The following B3GLCT variants were observed in gnomAD, a reference collection of about 807,000 sequenced individuals.
B3GLCT encodes the protein beta-1,3-glucosyltransferase.
In B3GLCT, 65 loss-of-function variants were observed where a neutral mutation model predicts 63.4. That is an observed-to-expected ratio of 1.03 (90% CI 0.84 to 1.26). The LOEUF (loss-of-function observed/expected upper bound fraction) is 1.26. Ranked by LOEUF, B3GLCT falls within the 50% of genes most tolerant of loss-of-function variation. The pLI, the probability that B3GLCT is intolerant of heterozygous loss-of-function variation, is 0.00. For synonymous variants in B3GLCT, 233 were observed against 219.2 expected, an observed-to-expected ratio of 1.06 and a Z score of -0.55; for missense variants, 577 against 604.8, an observed-to-expected ratio of 0.95 and a Z score of 0.48.
intron 4 of B3GLCT, among the ~76,000 whole-genome samples, chr13:31,240,943 T>A (rs76317971): frequency 2.0e-5 from 3 of 152,196 alleles, no homozygotes; most frequent in South Asian, 2.1e-4. Flanking sequence ...ATTTTTTTTT[T>A]ATACACATTC....
intron 12 of B3GLCT, among the ~76,000 whole-genome samples, chr13:31,300,519 G>GT (rs779430402): frequency 1.3e-5 from 2 of 152,106 alleles, no homozygotes; most frequent in Non-Finnish European, 2.9e-5. Flanking sequence ...AGAGACTAGG[G>GT]TTTTTTGGAT....
intron 8 of B3GLCT, 48 bp downstream of exon 8, chr13:31,269,325 T>A: frequency 3.0e-6 from 4 of 1,349,848 alleles, no homozygotes; most frequent in South Asian, 1.2e-5. Flanking sequence ...CAAGAATTCA[T>A]GTCCTTTGAT....
chr13:31,276,783 G>T lies in B3GLCT; in HGVS notation c.850+12G>T. 1 of 1,601,042 alleles carries T rather than the reference G, an allele frequency of 6.2e-7. No individual in the cohort carries two copies. Among genetic ancestry groups the T allele is most frequent in the Admixed American group, 1.7e-5 (1 of 59,980 alleles). ...TCATGGTGACAGAAGTATGTTTTGG[G>T]TTATTCATTTTATTGAACGCTAAAA... is the stretch of plus-strand genomic sequence containing the variant. On this transcript the variant is annotated intron_variant, in intron 10 of 14. Coordinates refer to ENST00000343307, the MANE Select transcript of B3GLCT (RefSeq NM_194318.4).
Position 31,318,271 on chromosome 13 carries a change from CA to C in B3GLCT, c.1184+590del, listed in dbSNP as rs374287802. Among the ~76,000 whole-genome samples, 158 of 152,224 alleles carry C rather than the reference CA, an allele frequency of 1.0e-3. 2 individuals carry two copies. The East Asian group carries it at 0.011, about 10-fold the overall frequency. On this transcript the variant is annotated intron_variant, in intron 13 of 14. Coordinates refer to ENST00000343307, the MANE Select transcript of B3GLCT (RefSeq NM_194318.4). Reference sequence around the variant, plus strand: ...TAGTCTTACTATTGGTGCGTGTAGGCAAAATCTTATCAACGGTAGTCATTTA... The same window carrying C: ...TAGTCTTACTATTGGTGCGTGTAGGCAAATCTTATCAACGGTAGTCATTTA...
At chr13:31,259,035 G>A (rs1289937364) in intron 6 of B3GLCT, among the ~76,000 whole-genome samples, 2 of 151,592 alleles carry the variant, frequency 1.3e-5, no homozygotes, top group Non-Finnish European at 2.9e-5. Flanking sequence ...AGTCTTCTCT[G>A]CTATTGTGTT....
chr13:31,298,845 C>T (rs537202007), intron 12 of B3GLCT, among the ~76,000 whole-genome samples: 4 of 152,256 alleles, frequency 2.6e-5, no homozygotes, highest in African/African-American at 4.8e-5. Context: ...CTTTGCTAAG[C>T]GGGGTGAAGG....
intron 10 of B3GLCT, among the ~76,000 whole-genome samples, chr13:31,277,674 A>G (rs1320283938): frequency 6.6e-6 from 1 of 152,180 alleles, no homozygotes; most frequent in East Asian, 1.9e-4. Context: ...TACAAATTAT[A>G]TTTTACAGGG....
rs1869498285 is a variant in B3GLCT, at chr13:31,215,199, T to G, written c.120+99T>G. ...TCATTTCATTCTTCAATTGTTATTT[T>G]TATTGTTACATAATTCATATAATGT... On this transcript the variant is annotated intron_variant, in intron 2 of 14. Transcript: ENST00000343307. 8.2e-6 allele frequency: 10 copies of G among 1,223,170 alleles called. 1 individual carries two copies. Among genetic ancestry groups the G allele is most frequent in the Middle Eastern group, 2.3e-4 (1 of 4,444 alleles). 75.8% of individuals were successfully genotyped at this position (1,223,170 alleles called of 1,614,324 possible). A position where few individuals can be genotyped will look rare whatever the true frequency, so the allele number is the denominator to read the frequency against.
At chr13:31,225,879 A>G (rs1375496365) in intron 3 of B3GLCT, among the ~76,000 whole-genome samples, 1 of 152,150 alleles carries the variant, frequency 6.6e-6, no homozygotes, top group East Asian at 1.9e-4. Context: ...CTAGAGCCCA[A>G]GCCTCTCAGC....
chr13:31,328,706 A>AC (rs1283163204), intron 14 of B3GLCT, among the ~76,000 whole-genome samples: 1 of 151,160 alleles, frequency 6.6e-6, no homozygotes, highest in East Asian at 1.9e-4. Context: ...AAAAAAAAAA[A>AC]AAAAAAAAAA....
At chr13:31,202,069 G>A (rs1868698576) in intron 1 of B3GLCT, among the ~76,000 whole-genome samples, 1 of 152,158 alleles carries the variant, frequency 6.6e-6, no homozygotes, top group Non-Finnish European at 1.5e-5. Context: ...CCCCACTTAC[G>A]ATGTTCTTGG....
chr13:31,205,467 G>C (rs574334696), intron 1 of B3GLCT, among the ~76,000 whole-genome samples: 3 of 152,094 alleles, frequency 2.0e-5, no homozygotes, highest in Non-Finnish European at 4.4e-5. Flanking sequence ...GCTGAGGCAG[G>C]ACAATCGCTT....
intron 4 of B3GLCT, 71 bp from the exon 5 acceptor site, chr13:31,246,951 CT>C (rs66466340): frequency 0.095 from 72,058 of 757,116 alleles, 233 homozygotes; most frequent in Non-Finnish European, 0.11. Context: ...CTTTTCTTTT[CT>C]TTTTTTTTTT....
intron 4 of B3GLCT, among the ~76,000 whole-genome samples, chr13:31,238,820 T>A (rs1302415684): frequency 6.6e-6 from 1 of 152,210 alleles, no homozygotes; most frequent in Non-Finnish European, 1.5e-5. Context: ...TGAGCATCTA[T>A]GGTTATATTA....
chr13:31,202,769 A>G (rs190449897), intron 1 of B3GLCT, among the ~76,000 whole-genome samples: 9 of 152,200 alleles, frequency 5.9e-5, no homozygotes, highest in Non-Finnish European at 1.2e-4. Context: ...CCCATTGCCT[A>G]TTAAGTGGAT....
chr13:31,210,149 T>C (rs912001585), intron 1 of B3GLCT, among the ~76,000 whole-genome samples: 21 of 152,250 alleles, frequency 1.4e-4, no homozygotes, highest in African/African-American at 5.1e-4. Context: ...ATTTGTTGGC[T>C]TGAATTATTT....
chr13:31,293,617 A>T (rs1201236013), intron 12 of B3GLCT, among the ~76,000 whole-genome samples: 4 of 152,062 alleles, frequency 2.6e-5, no homozygotes, highest in African/African-American at 9.7e-5. Flanking sequence ...AGATAGTAGG[A>T]TTGCAACCCT....
At chr13:31,290,644 C>T (rs1026410291) in intron 12 of B3GLCT, among the ~76,000 whole-genome samples, 1 of 152,124 alleles carries the variant, frequency 6.6e-6, no homozygotes, top group Admixed American at 6.5e-5. Flanking sequence ...GTTTGTTGGC[C>T]ACATAAATGT....
Position 31,330,542 on chromosome 13 carries a change from T to A in B3GLCT, c.*874T>A, listed in dbSNP as rs1267114445. On this transcript the variant is annotated 3_prime_UTR_variant, in exon 15 of 15. Transcript: ENST00000343307. ...TTTGGACCTTATGTTTTACTCTTGT[T>A]TTTTTTTTTTTTTTAAATGTTACTT... 1 of 147,292 alleles carries A rather than the reference T, an allele frequency of 6.8e-6. No homozygotes were observed. The highest frequency in any genetic ancestry group is 6.7e-5 in the Admixed American group (1 of 14,896). The allele number at this position is 147,292 out of a possible 1,614,324, so 9.1% of individuals were successfully genotyped here.
Sources: gnomAD v4.1 joint callset for allele counts (sites outside exome capture counted in the v4.1 genomes callset) on GRCh38, gnomAD v4.1.1 for gene constraint, MANE v1.5 for transcripts, NCBI Gene and HGNC (gene_info 2026-07-23, HGNC 2026-07-21) for gene names.